MIPOL1: variants seen among roughly 807,000 people sequenced by gnomAD.
MIPOL1 encodes mirror-image polydactyly 1, also known as mirror-image polydactyly gene 1 protein.
In MIPOL1, 57 loss-of-function variants were observed where a neutral mutation model predicts 60.9. The ratio of observed to expected loss-of-function variants is 0.94; its 90% CI spans 0.76 to 1.17. The LOEUF (loss-of-function observed/expected upper bound fraction) is 1.17. Among genes scored for constraint, MIPOL1 ranks in the 50% most tolerant of loss-of-function variants. The probability of loss-of-function intolerance (pLI) is 0.00; values close to 1 mark genes in which losing one functional copy is unlikely to be tolerated. For synonymous variants in MIPOL1, 179 were observed against 168.8 expected (o/e 1.06, Z -0.47); for missense variants, 551 against 511.6 (o/e 1.08, Z -0.74).
intron 12 of MIPOL1, among the ~76,000 whole-genome samples, chr14:37,514,642 A>G (rs1457479105): frequency 6.8e-6 from 1 of 146,750 alleles, no homozygotes; most frequent in Admixed American, 6.8e-5. Context: ...TTTTTTGGAG[A>G]CGGAGTTTCG....
intron 12 of MIPOL1, among the ~76,000 whole-genome samples, chr14:37,536,023 G>A (rs1271282448): frequency 1.3e-5 from 2 of 152,046 alleles, no homozygotes; most frequent in African/African-American, 4.8e-5. Flanking sequence ...TCCAACCTCG[G>A]CCTTCCTAGT....
chr14:37,211,162 A>G (rs1163028551), intron 1 of MIPOL1, among the ~76,000 whole-genome samples: 1 of 152,140 alleles, frequency 6.6e-6, no homozygotes, highest in Non-Finnish European at 1.5e-5. Flanking sequence ...GAGCAAGATG[A>G]TGGAATAGAA....
At chr14:37,199,435 GTA>G (rs1964861398) in intron 1 of MIPOL1, among the ~76,000 whole-genome samples, 1 of 152,074 alleles carries the variant, frequency 6.6e-6, no homozygotes, top group Non-Finnish European at 1.5e-5. Context: ...TTCTCATGCT[GTA>G]TGTATAGTAT....
chr14:37,283,700 C>T (rs533553410), intron 6 of MIPOL1, among the ~76,000 whole-genome samples: 8 of 152,152 alleles, frequency 5.3e-5, no homozygotes, highest in East Asian at 1.9e-4. Flanking sequence ...TTTATTTATT[C>T]GGCCAAGAGC....
chr14:37,287,087 CA>C, intron 7 of MIPOL1, among the ~76,000 whole-genome samples: 1 of 152,116 alleles, frequency 6.6e-6, no homozygotes, highest in Middle Eastern at 3.4e-3. Context: ...ACAAATTACC[CA>C]AAGTCTTTAA....
At chr14:37,213,161 C>T (rs1966986567) in intron 1 of MIPOL1, among the ~76,000 whole-genome samples, 1 of 152,032 alleles carries the variant, frequency 6.6e-6, no homozygotes, top group East Asian at 1.9e-4. Context: ...TGCCCAGATA[C>T]CAAAGAAAAT....
intron 10 of MIPOL1, among the ~76,000 whole-genome samples, chr14:37,373,153 A>C (rs1019992873): frequency 6.6e-6 from 1 of 151,830 alleles, no homozygotes; most frequent in African/African-American, 2.4e-5. Flanking sequence ...ACAGGCATGC[A>C]CCACCACGCT....
chr14:37,540,897 A>G (rs2095527048), intron 12 of MIPOL1, among the ~76,000 whole-genome samples: 2 of 152,168 alleles, frequency 1.3e-5, no homozygotes, highest in South Asian at 4.1e-4. Context: ...TTTGAGGTTT[A>G]CATAATCCAT....
chr14:37,520,926 C>CTTTTTTTT (rs11299536), intron 12 of MIPOL1, among the ~76,000 whole-genome samples: 1 of 47,732 alleles, frequency 2.1e-5, no homozygotes, highest in African/African-American at 1.0e-4. Context: ...TAACATTTTA[C>CTTTTTTTT]TTTTTTTTTT....
chr14:37,373,246 G>T (rs986748036), intron 10 of MIPOL1, among the ~76,000 whole-genome samples: 1 of 152,022 alleles, frequency 6.6e-6, no homozygotes, highest in African/African-American at 2.4e-5. Flanking sequence ...CAAGTGATCT[G>T]CCTGCCTCAG....
intron 9 of MIPOL1, among the ~76,000 whole-genome samples, chr14:37,360,041 T>G (rs2092131308): frequency 6.6e-6 from 1 of 152,206 alleles, no homozygotes; most frequent in African/African-American, 2.4e-5. Flanking sequence ...GGCTGTTGAA[T>G]TTTGTCGAAG....
intron 11 of MIPOL1, among the ~76,000 whole-genome samples, chr14:37,470,434 C>T (rs892719473): frequency 6.6e-6 from 1 of 151,852 alleles, no homozygotes; most frequent in African/African-American, 2.4e-5. Flanking sequence ...CCTTGCTGTT[C>T]TCGTAATAGT....
chr14:37,210,755 G>A lies in MIPOL1; in HGVS notation c.-199+12651G>A, dbSNP rs146949472. ...CCTTGTGACCTCTGGCCACATGATTGCTGACAGCAAGGGATTATAGAAAGG... is the reference window on the plus strand; with the variant it reads ...CCTTGTGACCTCTGGCCACATGATTACTGACAGCAAGGGATTATAGAAAGG... On this transcript the variant is annotated intron_variant, in intron 1 of 12. Coordinates refer to ENST00000684589, the MANE Select transcript of MIPOL1 (RefSeq NM_001388067.1). Among the ~76,000 whole-genome samples the A allele has an allele frequency of 3.4e-3, 522 of 152,230 alleles. 3 individuals are homozygous for A. Among genetic ancestry groups the A allele is most frequent in the African/African-American group, 0.012 (512 of 41,532 alleles).
rs575322184 is a variant in MIPOL1, at chr14:37,257,900, G to A, written c.20-9038G>A. Among the ~76,000 whole-genome samples, 57 of 152,212 alleles carry A rather than the reference G, an allele frequency of 3.7e-4. 1 individual carries two copies. The highest frequency in any genetic ancestry group is 1.3e-3 in the African/African-American group (53 of 41,546). On this transcript the variant is annotated intron_variant, in intron 3 of 12. Transcript: ENST00000684589. ...AATAAATGCCTGCAACAATCCAGAC[G>A]AGAGATGCCTGGCAACAAAGCTATG...
intron 11 of MIPOL1, among the ~76,000 whole-genome samples, chr14:37,496,880 C>T (rs1208930493): frequency 1.3e-5 from 2 of 151,942 alleles, no homozygotes; most frequent in Admixed American, 6.6e-5. Context: ...CTGGAGGCAT[C>T]ACACTACCTG....
chr14:37,423,008 C>T, intron 11 of MIPOL1, 59 bp downstream of exon 11: 1 of 1,068,530 alleles, frequency 9.4e-7, no homozygotes, highest in Non-Finnish European at 1.4e-6. Flanking sequence ...AATGTTTCTA[C>T]CTGATTTTAC....
At chr14:37,205,049 A>T (rs1034921900) in intron 1 of MIPOL1, among the ~76,000 whole-genome samples, 1 of 152,046 alleles carries the variant, frequency 6.6e-6, no homozygotes, top group African/African-American at 2.4e-5. Context: ...TGCCCCAGAG[A>T]TTTGTCGAAC....
intron 11 of MIPOL1, among the ~76,000 whole-genome samples, chr14:37,459,347 A>G (rs894340446): frequency 6.6e-6 from 1 of 152,210 alleles, no homozygotes; most frequent in Admixed American, 6.5e-5. Flanking sequence ...AATACAACTG[A>G]TATCAAAAAA....
intron 1 of MIPOL1, among the ~76,000 whole-genome samples, chr14:37,209,760 G>A (rs1966639686): frequency 6.6e-6 from 1 of 152,162 alleles, no homozygotes; most frequent in African/African-American, 2.4e-5. Flanking sequence ...CTGGAGTACA[G>A]TGGTGCAAAC....
Sources: allele counts gnomAD v4.1 joint callset (sites outside exome capture counted in the v4.1 genomes callset), GRCh38; gene constraint gnomAD v4.1.1; transcripts MANE v1.5; gene names NCBI Gene and HGNC (gene_info 2026-07-23, HGNC 2026-07-21).